Variants in CSTPP1 observed in about 807,000 individuals in gnomAD.
CSTPP1 encodes UPF0705 protein C11orf49.
chr11:46,936,717 C>T, the CSTPP1 span: 21 of 1,566,006 alleles, frequency 1.3e-5, no homozygotes, highest in Non-Finnish European at 1.6e-5. Flanking sequence ...CCCCCTTCCG[C>T]CGCGTGGGTG....
At chr11:47,134,481 C>T in the CSTPP1 span, among the ~76,000 whole-genome samples, 2 of 152,142 alleles carry the variant, frequency 1.3e-5, no homozygotes, top group Non-Finnish European at 2.9e-5. Flanking sequence ...TGAGCCACTG[C>T]GCCTGGCCTA....
the CSTPP1 span, among the ~76,000 whole-genome samples, chr11:46,962,303 CT>C: frequency 7.4e-3 from 1,120 of 152,306 alleles, 13 homozygotes; most frequent in African/African-American, 0.026. Flanking sequence ...CTATGTCTGC[CT>C]TATGCCAGTA....
the CSTPP1 span, among the ~76,000 whole-genome samples, chr11:47,086,475 T>C: frequency 1.3e-5 from 2 of 150,702 alleles, no homozygotes; most frequent in South Asian, 2.1e-4. Flanking sequence ...CCAGAATTTA[T>C]TGAAGATGGA....
At chr11:46,985,853 G>T in the CSTPP1 span, among the ~76,000 whole-genome samples, 1 of 152,098 alleles carries the variant, frequency 6.6e-6, no homozygotes, top group Non-Finnish European at 1.5e-5. Context: ...AGAATAATTT[G>T]TTTATGGTCA....
the CSTPP1 span, among the ~76,000 whole-genome samples, chr11:46,959,815 CTTCTT>C: frequency 6.7e-6 from 1 of 150,140 alleles, no homozygotes; most frequent in Non-Finnish European, 1.5e-5. Context: ...AAATCTATGT[CTTCTT>C]TTATTTAGAT....
chr11:46,953,375 A>T, the CSTPP1 span, among the ~76,000 whole-genome samples: 1 of 152,146 alleles, frequency 6.6e-6, no homozygotes, highest in Non-Finnish European at 1.5e-5. Flanking sequence ...TTTAGGCTGA[A>T]GGGAAAGGAA....
chr11:47,004,707 G>A, the CSTPP1 span, among the ~76,000 whole-genome samples: 1 of 152,100 alleles, frequency 6.6e-6, no homozygotes, highest in African/African-American at 2.4e-5. Context: ...TAAAACTCAA[G>A]GTGTAGTGGG....
the CSTPP1 span, among the ~76,000 whole-genome samples, chr11:47,089,878 G>T: frequency 6.6e-6 from 1 of 152,212 alleles, no homozygotes; most frequent in African/African-American, 2.4e-5. Flanking sequence ...AGTTATTATA[G>T]ATCCAAACAG....
chr11:47,016,392 AAAAAC>A, the CSTPP1 span, among the ~76,000 whole-genome samples: 10 of 146,254 alleles, frequency 6.8e-5, no homozygotes, highest in East Asian at 4.1e-4. Context: ...GGAATCTACA[AAAAAC>A]AAAAAACAAA....
chr11:46,938,708 C>A, the CSTPP1 span, among the ~76,000 whole-genome samples: 11 of 150,792 alleles, frequency 7.3e-5, no homozygotes, highest in Middle Eastern at 6.9e-3. Context: ...CATGATAACT[C>A]ATTTCTTTTT....
the CSTPP1 span, among the ~76,000 whole-genome samples, chr11:46,966,838 G>A: frequency 1.3e-5 from 2 of 152,166 alleles, no homozygotes; most frequent in Non-Finnish European, 2.9e-5. Context: ...GTATTAGTCA[G>A]CTTGGGCTGT....
chr11:47,093,561 G>A, the CSTPP1 span, among the ~76,000 whole-genome samples: 1 of 152,328 alleles, frequency 6.6e-6, no homozygotes, highest in Admixed American at 6.5e-5. Context: ...TTTGAGGGTA[G>A]GGGCTCTGTG....
the CSTPP1 span, among the ~76,000 whole-genome samples, chr11:46,939,039 AG>A: frequency 6.7e-6 from 1 of 150,058 alleles, no homozygotes; most frequent in African/African-American, 2.5e-5. Flanking sequence ...GGCCTTCCAA[AG>A]TACTGAGATT....
chr11:46,958,447 G>T, the CSTPP1 span, among the ~76,000 whole-genome samples: 1 of 151,786 alleles, frequency 6.6e-6, no homozygotes, highest in African/African-American at 2.4e-5. Context: ...GTTATGTTTT[G>T]GGGGAGTCCA....
chr11:47,036,264 T>G, the CSTPP1 span, among the ~76,000 whole-genome samples: 1 of 32,884 alleles, frequency 3.0e-5, no homozygotes, highest in Non-Finnish European at 6.1e-5. Flanking sequence ...TATTATATAA[T>G]ATATATATTA....
At chr11:47,065,898 C>G in the CSTPP1 span, among the ~76,000 whole-genome samples, 1 of 151,450 alleles carries the variant, frequency 6.6e-6, no homozygotes, top group Non-Finnish European at 1.5e-5. Flanking sequence ...GACATGCCAC[C>G]ACCCCAGCAT....
the CSTPP1 span, among the ~76,000 whole-genome samples, chr11:46,975,441 G>A: frequency 1.8e-4 from 28 of 152,094 alleles, no homozygotes; most frequent in Non-Finnish European, 4.0e-4. Flanking sequence ...TTTGAAAGAT[G>A]TATTAAGCAA....
the CSTPP1 span, chr11:46,936,773 G>C: frequency 6.2e-7 from 1 of 1,609,530 alleles, no homozygotes. Context: ...GGAAGCCGGA[G>C]AGCTGGAGCT....
the CSTPP1 span, among the ~76,000 whole-genome samples, chr11:47,053,764 A>G: frequency 1.4e-5 from 2 of 145,892 alleles, no homozygotes; most frequent in East Asian, 3.9e-4. Context: ...CAACATACTG[A>G]GACTTCGTCT....
Sources: allele counts gnomAD v4.1 joint callset (sites outside exome capture counted in the v4.1 genomes callset), GRCh38; gene constraint gnomAD v4.1.1; transcripts MANE v1.5; gene names NCBI Gene and HGNC (gene_info 2026-07-23, HGNC 2026-07-21).